The following JMY variants were observed in gnomAD, a reference collection of about 807,000 sequenced individuals.
JMY encodes junction-mediating and -regulatory protein.
A neutral mutation model predicts 103.3 loss-of-function variants in JMY; 46 were observed. That is an observed-to-expected ratio of 0.45 (90% CI 0.35 to 0.57). The LOEUF is 0.57. Among genes scored for constraint, JMY ranks in the 20% least tolerant of loss-of-function variants. The pLI is 0.00. For synonymous variants in JMY, 526 were observed against 489.3 expected (o/e 1.07, Z -0.99); for missense variants, 1,238 against 1,255.2 (o/e 0.99, Z 0.21).
chr5:79,267,755 T>C (rs1745626835), intron 1 of JMY, among the ~76,000 whole-genome samples: 1 of 152,242 alleles, frequency 6.6e-6, no homozygotes, highest in Non-Finnish European at 1.5e-5. Flanking sequence ...ATTGTATGGA[T>C]GTACTACAAT....
chr5:79,276,619 G>GT (rs897801193), intron 1 of JMY, among the ~76,000 whole-genome samples: 11 of 151,706 alleles, frequency 7.3e-5, no homozygotes, highest in South Asian at 4.2e-4. Flanking sequence ...TTAAATTATT[G>GT]TTTTTTTGAG....
At chr5:79,291,551 G>C (rs1193359262) in intron 4 of JMY, among the ~76,000 whole-genome samples, 1 of 152,194 alleles carries the variant, frequency 6.6e-6, no homozygotes, top group Non-Finnish European at 1.5e-5. Context: ...GAATTTCTTA[G>C]TTGCTGTAAA....
At chr5:79,318,761 T>TATATATAGAG (rs1218912301) in intron 10 of JMY, among the ~76,000 whole-genome samples, 1 of 53,612 alleles carries the variant, frequency 1.9e-5, no homozygotes, top group African/African-American at 1.7e-4. Flanking sequence ...TATATATATA[T>TATATATAGAG]AGAGAGAGAG....
intron 2 of JMY, chr5:79,285,035 G>A (rs1057396885): frequency 6.3e-6 from 4 of 639,270 alleles, no homozygotes; most frequent in Non-Finnish European, 1.1e-5. Context: ...GAGCCAGCTG[G>A]ACTATACTCA....
intron 6 of JMY, 145 bp from the exon 7 acceptor site, chr5:79,306,230 A>C (rs865900223): frequency 3.3e-6 from 2 of 608,710 alleles, no homozygotes; most frequent in Non-Finnish European, 5.9e-6. Flanking sequence ...TTACAGCTTC[A>C]GTTGTCCAAA....
intron 1 of JMY, among the ~76,000 whole-genome samples, chr5:79,265,894 C>T (rs964030244): frequency 4.6e-5 from 7 of 151,438 alleles, no homozygotes; most frequent in Non-Finnish European, 2.9e-5. Context: ...GATTCTTCTG[C>T]TTCAGCCTCC....
At chr5:79,261,370 C>T (rs1745416473) in intron 1 of JMY, among the ~76,000 whole-genome samples, 1 of 151,836 alleles carries the variant, frequency 6.6e-6, no homozygotes, top group Non-Finnish European at 1.5e-5. Flanking sequence ...GTAAAAGTGC[C>T]GTCTCTACAA....
Position 79,288,716 on chromosome 5 carries a change from G to GT in JMY, c.1207-1396dup, listed in dbSNP as rs542455082. 4.0e-3 allele frequency among the ~76,000 whole-genome samples: 582 copies of GT among 146,548 alleles called. 4 individuals carry two copies. Among genetic ancestry groups the GT allele is most frequent in the Non-Finnish European group, 5.2e-3 (344 of 66,752 alleles). ...ATTCTAATTCTTTTTGTTTTGTTTT[G>GT]TTTTTTTTTGTTTGTTTGTTTGTTT... On this transcript the variant is annotated intron_variant, in intron 2 of 10. Transcript: ENST00000396137.
intron 1 of JMY, among the ~76,000 whole-genome samples, chr5:79,242,624 GTC>G (rs1166705257): frequency 6.6e-6 from 1 of 152,122 alleles, no homozygotes; most frequent in Non-Finnish European, 1.5e-5. Context: ...GCCTAGATTT[GTC>G]TTAATCCAAA....
At chr5:79,294,833 G>A (rs1426107477) in intron 4 of JMY, among the ~76,000 whole-genome samples, 3 of 150,824 alleles carry the variant, frequency 2.0e-5, no homozygotes, top group Non-Finnish European at 2.9e-5. Context: ...ACTCAAGCCT[G>A]TGCGACAAGA....
rs576193619 is a variant in JMY, at chr5:79,249,801, T to C, written c.1032+12119T>C. On this transcript the variant is annotated intron_variant, in intron 1 of 10. Coordinates refer to ENST00000396137, the MANE Select transcript of JMY (RefSeq NM_152405.5). The stretch of plus-strand genomic sequence containing the variant: ...TTGACTCAAGATTGGGATCTTTCCC[T>C]TAAGGAAAGATGAATTGACTGGCCT... 2.0e-5 allele frequency among the ~76,000 whole-genome samples: 3 copies of C among 152,296 alleles called. No individual in the cohort carries two copies. In the South Asian group the frequency reaches 6.2e-4, roughly 32 times the overall value.
At chr5:79,318,063 A>G (rs1420067341) in intron 10 of JMY, among the ~76,000 whole-genome samples, 3 of 152,122 alleles carry the variant, frequency 2.0e-5, no homozygotes, top group African/African-American at 4.8e-5. Context: ...GTGCAGTGAC[A>G]TGATCTCGGC....
At chr5:79,275,237 T>C (rs1384856673) in intron 1 of JMY, among the ~76,000 whole-genome samples, 1 of 150,186 alleles carries the variant, frequency 6.7e-6, no homozygotes, top group African/African-American at 2.4e-5. Context: ...CTCAGCTCAC[T>C]GCAAGCTCCG....
rs574344123 is a variant in JMY at position 79,327,110 on chromosome 5, A to G, written c.*5508A>G. The G allele has an allele frequency of 2.0e-5, 3 of 152,292 alleles. No homozygotes were observed. The highest frequency in any genetic ancestry group is 4.4e-5 in the Non-Finnish European group (3 of 68,032). 9.4% of individuals were successfully genotyped at this position (152,292 alleles called of 1,614,324 possible). On this transcript the variant is annotated 3_prime_UTR_variant, in exon 11 of 11. Coordinates refer to ENST00000396137, the MANE Select transcript of JMY (RefSeq NM_152405.5). ...AAGTACTTGTACACCAAGTATTGCAATCACCTTTCTCTTGTTGTACATGCA... is the reference window on the plus strand; with the variant it reads ...AAGTACTTGTACACCAAGTATTGCAGTCACCTTTCTCTTGTTGTACATGCA...
chr5:79,290,033 ATTC>A lies in JMY; in HGVS notation c.1207-85_1207-83del, dbSNP rs1244642699. 4.5e-6 allele frequency: 4 copies of A among 886,904 alleles called. No individual in the cohort carries two copies. The African/African-American group carries it at 5.1e-5, about 11-fold the overall frequency. The allele number at this position is 886,904 out of a possible 1,614,324, so 54.9% of individuals were successfully genotyped here. A position where few individuals can be genotyped will look rare whatever the true frequency, so the allele number is the denominator to read the frequency against. The stretch of plus-strand genomic sequence containing the variant: ...TCCTCTTGAGCAGGGAAGAACAAGT[ATTC>A]TTTGTGGTATATAAACTTTAAATGT... On this transcript the variant is annotated intron_variant, in intron 2 of 10. Coordinates refer to ENST00000396137, the MANE Select transcript of JMY (RefSeq NM_152405.5).
At chr5:79,247,047 G>C (rs1449617896) in intron 1 of JMY, among the ~76,000 whole-genome samples, 1 of 152,172 alleles carries the variant, frequency 6.6e-6, no homozygotes, top group African/African-American at 2.4e-5. Context: ...TCTATTGTAT[G>C]AAAGAACCGG....
intron 6 of JMY, among the ~76,000 whole-genome samples, chr5:79,302,224 G>A (rs907180326): frequency 2.6e-5 from 4 of 152,080 alleles, no homozygotes; most frequent in African/African-American, 9.7e-5. Flanking sequence ...ACTTTTAGGT[G>A]TATAGTGCAG....
At position 79,326,312 on chromosome 5, in the gene JMY, A is replaced by AGAGT. The variant is rs1747644180; in HGVS notation, c.*4711_*4714dup. The stretch of plus-strand genomic sequence containing the variant: ...AACACAAGGTATGGATGTTGGTTAC[A>AGAGT]GAGTTCAGTTTTAACAAGGGAAATT... On this transcript the variant is annotated 3_prime_UTR_variant, in exon 11 of 11. Transcript: ENST00000396137. The AGAGT allele has an allele frequency of 6.7e-6, 1 of 149,434 alleles. No homozygotes were observed. Among genetic ancestry groups the AGAGT allele is most frequent in the African/African-American group, 2.5e-5 (1 of 39,998 alleles). The allele number at this position is 149,434 out of a possible 1,614,324, so 9.3% of individuals were successfully genotyped here.
At chr5:79,265,593 C>T (rs1745563016) in intron 1 of JMY, among the ~76,000 whole-genome samples, 1 of 151,712 alleles carries the variant, frequency 6.6e-6, no homozygotes. Context: ...AAAGATTAAA[C>T]AGGACGGATT....
Sources: gnomAD v4.1 joint callset for allele counts (sites outside exome capture counted in the v4.1 genomes callset) on GRCh38, gnomAD v4.1.1 for gene constraint, MANE v1.5 for transcripts, NCBI Gene and HGNC (gene_info 2026-07-23, HGNC 2026-07-21) for gene names.